EIF4G3: variants seen among roughly 807,000 people sequenced by gnomAD.
EIF4G3 encodes eIF-4-gamma 3.
EIF4G3 carries 34 observed loss-of-function variants against 186.4 expected under a neutral mutation model. That is an observed-to-expected ratio of 0.18 (90% CI 0.14 to 0.24). EIF4G3 has a LOEUF of 0.24. Among genes scored for constraint, EIF4G3 ranks in the 10% least tolerant of loss-of-function variants. The probability of loss-of-function intolerance (pLI) is 1.00; values close to 1 mark genes in which losing one functional copy is unlikely to be tolerated. For missense variants in EIF4G3, 1,536 were observed against 1,948.5 expected (o/e 0.79, Z 3.99); for synonymous variants, 673 against 679.5 (o/e 0.99, Z 0.15).
chr1:21,089,034 C>T, intron 3 of EIF4G3, 104 bp downstream of exon 3: 1 of 634,582 alleles, frequency 1.6e-6, no homozygotes, highest in Non-Finnish European at 2.9e-6. Context: ...GAACTTTTTG[C>T]CAAAAATTTG....
chr1:20,822,735 A>G (rs1468952407), intron 33 of EIF4G3, among the ~76,000 whole-genome samples: 1 of 151,390 alleles, frequency 6.6e-6, no homozygotes, highest in Non-Finnish European at 1.5e-5. Flanking sequence ...TATTTTTCTA[A>G]TTCTTTAAGG....
At chr1:21,101,596 AGGGAGGGAGT>A (rs2096528109) in intron 2 of EIF4G3, among the ~76,000 whole-genome samples, 1 of 73,602 alleles carries the variant, frequency 1.4e-5, no homozygotes. Flanking sequence ...AAACCGAGGG[AGGGAGGGAGT>A]AAGGAAGGAA....
chr1:20,864,533 C>T lies in EIF4G3; in HGVS notation c.2949G>A (p.Glu983=). The change falls in exon 22 of 37, where the codon GAG becomes GAA. Residue 983 remains glutamate (E), a synonymous_variant. Transcript: ENST00000602326. ...TGGTGGTGAGCAGGCGACACAGGCACTCCAGGGATTCTTCATCATGGTTCT... is the reference window on the plus strand; with the variant it reads ...TGGTGGTGAGCAGGCGACACAGGCATTCCAGGGATTCTTCATCATGGTTCT... ...LLKNHDEESL[E]CLCRLLTTIG... is the part of the protein sequence containing the mutation. The T allele has an allele frequency of 6.2e-7, 1 of 1,614,192 alleles. No homozygotes were observed. Among genetic ancestry groups the T allele is most frequent in the Non-Finnish European group, 8.5e-7 (1 of 1,180,016 alleles).
chr1:21,068,452 A>G (rs1557805375), intron 3 of EIF4G3, among the ~76,000 whole-genome samples: 1 of 150,640 alleles, frequency 6.6e-6, no homozygotes, highest in Non-Finnish European at 1.5e-5. Context: ...TATTCAAATT[A>G]CATGTCTCCA....
At chr1:20,874,050 A>G (rs751628132) in intron 20 of EIF4G3, among the ~76,000 whole-genome samples, 6 of 152,162 alleles carry the variant, frequency 3.9e-5, no homozygotes, top group Non-Finnish European at 2.9e-5. Flanking sequence ...ATAGTATTCC[A>G]TGGTGTATAT....
intron 30 of EIF4G3, 108 bp from the exon 31 acceptor site, chr1:20,829,380 G>T: frequency 8.1e-7 from 1 of 1,238,142 alleles, no homozygotes; most frequent in Non-Finnish European, 1.1e-6. Flanking sequence ...CACCTGCTAT[G>T]TTAGGTACAG....
intron 13 of EIF4G3, among the ~76,000 whole-genome samples, chr1:20,946,428 T>C (rs553542302): frequency 7.2e-5 from 11 of 152,316 alleles, no homozygotes; most frequent in Non-Finnish European, 1.3e-4. Context: ...TCAACAGTTG[T>C]TCTCTCTACA....
At chr1:20,825,061 A>G in intron 33 of EIF4G3, 39 bp downstream of exon 33, 2 of 1,345,672 alleles carry the variant, frequency 1.5e-6, no homozygotes, top group Non-Finnish European at 2.1e-6. Context: ...GAAATAGATC[A>G]ACTACTATCA....
At chr1:21,172,693 C>T (rs1051335812) in intron 2 of EIF4G3, among the ~76,000 whole-genome samples, 17 of 151,992 alleles carry the variant, frequency 1.1e-4, no homozygotes, top group South Asian at 2.1e-4. Flanking sequence ...GGACTACAGG[C>T]GCCTGCCACC....
At chr1:20,925,316 T>A (rs1436619581) in intron 14 of EIF4G3, among the ~76,000 whole-genome samples, 3 of 152,220 alleles carry the variant, frequency 2.0e-5, no homozygotes, top group Admixed American at 6.5e-5. Flanking sequence ...TTTCCCTACA[T>A]GATCAGGTAT....
At position 21,135,336 on chromosome 1, in the gene EIF4G3, C is replaced by T. The variant is rs142371766; in HGVS notation, c.-272+40839G>A. ...CCAACATGGTGAAATCCCGTCTCTA[C>T]TAAAAATACAAAATTAGCTGGCTGT... is the stretch of plus-strand genomic sequence containing the variant. On this transcript the variant is annotated intron_variant, in intron 2 of 36. Transcript: ENST00000602326. Among the ~76,000 whole-genome samples the T allele has an allele frequency of 6.4e-3, 977 of 152,190 alleles. 7 individuals are homozygous for T. The highest frequency in any genetic ancestry group is 0.022 in the African/African-American group (922 of 41,522).
At chr1:21,004,003 C>G (rs533703813) in intron 4 of EIF4G3, 2 of 164,474 alleles carry the variant, frequency 1.2e-5, no homozygotes, top group African/African-American at 4.8e-5. Context: ...GCTAAGAGGA[C>G]CTACTGTGAA....
At chr1:20,865,010 T>C (rs575248090) in intron 21 of EIF4G3, 106 bp downstream of exon 21, 8 of 1,300,444 alleles carry the variant, frequency 6.2e-6, no homozygotes, top group South Asian at 5.7e-5. Flanking sequence ...AAAAAGGCCA[T>C]AGGTCCCTCT....
intron 12 of EIF4G3, among the ~76,000 whole-genome samples, chr1:20,957,228 G>T (rs1172657232): frequency 5.9e-5 from 9 of 151,952 alleles, no homozygotes; most frequent in Non-Finnish European, 4.4e-5. Context: ...AAAGTTCTTG[G>T]GGGCAAAAGG....
chr1:20,966,126 A>C (rs976315510), intron 12 of EIF4G3, among the ~76,000 whole-genome samples: 1 of 152,164 alleles, frequency 6.6e-6, no homozygotes, highest in African/African-American at 2.4e-5. Flanking sequence ...CTTTACAGAG[A>C]CTGGGACTTC....
chr1:20,952,154 C>CTT (rs71014131), intron 12 of EIF4G3, among the ~76,000 whole-genome samples: 2 of 114,530 alleles, frequency 1.7e-5, no homozygotes, highest in African/African-American at 6.4e-5. Flanking sequence ...TAATTCAACA[C>CTT]TTTTTTTTTT....
chr1:21,005,090 G>A (rs767711995), intron 4 of EIF4G3, among the ~76,000 whole-genome samples: 9 of 151,994 alleles, frequency 5.9e-5, no homozygotes, highest in African/African-American at 2.2e-4. Context: ...CAGACACAAC[G>A]TTTATGTGTA....
In EIF4G3 at chr1:20,849,731, A is replaced by G. The variant is rs536587174; in HGVS notation, c.3773-201T>C. ...TTTATAATCTACAATAACAATGAAC[A>G]AGATTTAGGAACATGATAAACTTTC... On this transcript the variant is annotated intron_variant, in intron 28 of 36. Transcript: ENST00000602326. Among the ~76,000 whole-genome samples, 170 of 152,322 alleles carry G rather than the reference A, an allele frequency of 1.1e-3. 1 individual carries two copies. The highest frequency in any genetic ancestry group is 4.0e-3 in the African/African-American group (165 of 41,576).
At chr1:20,812,682 T>C (rs2059489204) in intron 35 of EIF4G3, among the ~76,000 whole-genome samples, 1 of 152,198 alleles carries the variant, frequency 6.6e-6, no homozygotes, top group African/African-American at 2.4e-5. Context: ...CATAAGCCAA[T>C]AAAATTGTCT....
Sources: allele counts gnomAD v4.1 joint callset (sites outside exome capture counted in the v4.1 genomes callset), GRCh38; gene constraint gnomAD v4.1.1; transcripts MANE v1.5; gene names NCBI Gene and HGNC (gene_info 2026-07-23, HGNC 2026-07-21).